The following TRHDE variants were observed in gnomAD, a reference collection of about 807,000 sequenced individuals.
The protein encoded by TRHDE is thyrotropin-releasing hormone-degrading ectoenzyme.
A neutral mutation model predicts 125.7 loss-of-function variants in TRHDE; 72 were observed. The ratio of observed to expected loss-of-function variants is 0.57; its 90% CI spans 0.47 to 0.70. The LOEUF is 0.70. TRHDE is among the 30% of genes least tolerant of loss of function. The probability of loss-of-function intolerance (pLI) is 0.00; values close to 1 mark genes in which losing one functional copy is unlikely to be tolerated. For synonymous variants in TRHDE, 509 were observed against 509.1 expected (o/e 1.00, Z 0.00); for missense variants, 1,110 against 1,327.1 (o/e 0.84, Z 2.54).
At chr12:72,348,212 G>C (rs1220810171) in intron 2 of TRHDE, among the ~76,000 whole-genome samples, 2 of 151,782 alleles carry the variant, frequency 1.3e-5, no homozygotes, top group Admixed American at 6.6e-5. Context: ...TTTGTGATGA[G>C]AACACTTACA....
At chr12:72,594,461 A>G (rs891501500) in intron 12 of TRHDE, among the ~76,000 whole-genome samples, 2 of 142,336 alleles carry the variant, frequency 1.4e-5, no homozygotes, top group South Asian at 4.4e-4. Context: ...CAGGTCATCC[A>G]CCCGCCTTGG....
chr12:72,153,990 G>T (rs1353459588), intron 2 of TRHDE, among the ~76,000 whole-genome samples: 1 of 141,412 alleles, frequency 7.1e-6, no homozygotes. Flanking sequence ...AATGTTGACA[G>T]TGGGGTGTTA....
chr12:72,486,852 A>G (rs1369448986), intron 5 of TRHDE, among the ~76,000 whole-genome samples: 1 of 152,120 alleles, frequency 6.6e-6, no homozygotes, highest in Non-Finnish European at 1.5e-5. Context: ...GGAATTTAAC[A>G]TAATAATCTT....
intron 15 of TRHDE, among the ~76,000 whole-genome samples, chr12:72,626,584 C>T (rs1360235146): frequency 6.6e-6 from 1 of 151,876 alleles, no homozygotes; most frequent in Non-Finnish European, 1.5e-5. Context: ...GCCCCTTTTC[C>T]CCTATTTTGA....
chr12:72,637,828 T>C (rs1873834957), intron 15 of TRHDE, among the ~76,000 whole-genome samples: 1 of 151,728 alleles, frequency 6.6e-6, no homozygotes, highest in Non-Finnish European at 1.5e-5. Context: ...GTGAGATTCT[T>C]AATCCTGAGT....
intron 12 of TRHDE, among the ~76,000 whole-genome samples, chr12:72,602,160 A>G (rs1235262940): frequency 6.6e-6 from 1 of 152,088 alleles, no homozygotes; most frequent in African/African-American, 2.4e-5. Context: ...AAATACACAT[A>G]CTTCTATTTC....
rs768937293 is a variant in TRHDE, at chr12:72,470,863, C to CTTT, written c.1470+980_1470+982dup. Among the ~76,000 whole-genome samples the CTTT allele has an allele frequency of 4.5e-3, 305 of 67,952 alleles. 46 individuals carry two copies. Among genetic ancestry groups the CTTT allele is most frequent in the Middle Eastern group, 0.012 (1 of 82 alleles). The allele number at this position is 67,952 out of a possible 152,430, so 44.6% of individuals were successfully genotyped here. The stretch of plus-strand genomic sequence containing the variant: ...GACGACCGTTCTATGTAAATGTCAG[C>CTTT]TTTTTTTTTTTTTTTTTTTTTTTTT... On this transcript the variant is annotated intron_variant, in intron 4 of 18. Coordinates refer to ENST00000261180, the MANE Select transcript of TRHDE (RefSeq NM_013381.3).
chr12:72,212,659 G>C (rs1305883809), intron 2 of TRHDE, among the ~76,000 whole-genome samples: 1 of 152,094 alleles, frequency 6.6e-6, no homozygotes, highest in African/African-American at 2.4e-5. Context: ...CACTAGGATG[G>C]TTATAATGTA....
At chr12:72,220,739 A>G (rs973847920) in intron 2 of TRHDE, among the ~76,000 whole-genome samples, 8 of 152,092 alleles carry the variant, frequency 5.3e-5, no homozygotes, top group Non-Finnish European at 1.2e-4. Flanking sequence ...GTTTTATACT[A>G]TAGTTATTTA....
At chr12:72,396,753 A>C (rs1872808131) in intron 3 of TRHDE, among the ~76,000 whole-genome samples, 1 of 152,080 alleles carries the variant, frequency 6.6e-6, no homozygotes, top group Admixed American at 6.5e-5. Flanking sequence ...AAAACAAACA[A>C]ACAAACAAAC....
chr12:72,540,100 T>C (rs1869067835), intron 6 of TRHDE, among the ~76,000 whole-genome samples: 1 of 151,822 alleles, frequency 6.6e-6, no homozygotes, highest in Non-Finnish European at 1.5e-5. Flanking sequence ...TTAGTATATG[T>C]TGGCTAAACC....
At chr12:72,356,318 A>G (rs571562527) in intron 2 of TRHDE, among the ~76,000 whole-genome samples, 15 of 151,664 alleles carry the variant, frequency 9.9e-5, no homozygotes, top group Non-Finnish European at 2.1e-4. Flanking sequence ...CTTCTCACTT[A>G]TAAGTGGGAA....
intron 2 of TRHDE, among the ~76,000 whole-genome samples, chr12:72,127,779 A>T (rs1875750740): frequency 1.3e-5 from 2 of 152,238 alleles, no homozygotes; most frequent in African/African-American, 4.8e-5. Flanking sequence ...CACACAATAT[A>T]CGTACATAAC....
At chr12:72,134,952 C>T (rs373566544) in intron 2 of TRHDE, among the ~76,000 whole-genome samples, 4 of 151,994 alleles carry the variant, frequency 2.6e-5, no homozygotes, top group African/African-American at 4.8e-5. Flanking sequence ...TGTCATTTGA[C>T]GCTAGACTCT....
At chr12:72,576,344 T>C (rs1260846276) in intron 12 of TRHDE, among the ~76,000 whole-genome samples, 1 of 152,156 alleles carries the variant, frequency 6.6e-6, no homozygotes, top group East Asian at 1.9e-4. Flanking sequence ...GGTTAGTTAG[T>C]AGTGCTGATA....
intron 1 of TRHDE, among the ~76,000 whole-genome samples, chr12:72,280,687 C>G (rs186183558): frequency 3.3e-5 from 5 of 152,296 alleles, no homozygotes; most frequent in Non-Finnish European, 7.3e-5. Context: ...ACACAAGTCT[C>G]TGATTACAGC....
intron 15 of TRHDE, among the ~76,000 whole-genome samples, chr12:72,622,499 G>C (rs1873094546): frequency 6.6e-6 from 1 of 151,888 alleles, no homozygotes; most frequent in Non-Finnish European, 1.5e-5. Context: ...TTCCTCTCCA[G>C]TTTTTGGCCC....
chr12:72,616,994 T>G (rs1872842254), intron 12 of TRHDE, among the ~76,000 whole-genome samples: 2 of 152,096 alleles, frequency 1.3e-5, no homozygotes, highest in African/African-American at 4.8e-5. Context: ...TGTATTACTT[T>G]TTCAGGGAGC....
At chr12:72,105,201 TTCTG>T (rs1875157293) in intron 1 of TRHDE, among the ~76,000 whole-genome samples, 1 of 152,172 alleles carries the variant, frequency 6.6e-6, no homozygotes, top group African/African-American at 2.4e-5. Flanking sequence ...ATGGTTAAAA[TTCTG>T]GGTGAACAGT....
Sources: allele counts gnomAD v4.1 joint callset (sites outside exome capture counted in the v4.1 genomes callset), GRCh38; gene constraint gnomAD v4.1.1; transcripts MANE v1.5; gene names NCBI Gene and HGNC (gene_info 2026-07-23, HGNC 2026-07-21).